The following PATL2 variants were observed in gnomAD, a reference collection of about 807,000 sequenced individuals.
PATL2 encodes PAT1 homolog 2.
Under a neutral mutation model 77.0 loss-of-function variants are expected in PATL2, and 73 were observed. The observed-to-expected ratio is 0.95, with a 90% CI of 0.78 to 1.15. The LOEUF is 1.15. Among genes scored for constraint, PATL2 ranks in the 50% most tolerant of loss-of-function variants. The pLI, the probability that PATL2 is intolerant of heterozygous loss-of-function variation, is 0.00. For synonymous variants in PATL2, 265 were observed against 257.1 expected (o/e 1.03, Z -0.29); for missense variants, 618 against 655.4 (o/e 0.94, Z 0.62).
chr15:44,672,176 A>AC lies in PATL2; in HGVS notation c.516-21dup. 6.4e-7 allele frequency: 1 copy of AC among 1,551,604 alleles called. No homozygotes were observed. The highest frequency in any genetic ancestry group is 2.4e-5 in the East Asian group (1 of 40,924). On this transcript the variant is annotated intron_variant, in intron 8 of 17. Transcript: ENST00000682850. ...GGGGGACTTTAAGCCAGGAGGAACA[A>AC]CCCTTTAGACTTACCCACCACTGGC...
chr15:44,692,124 G>C (rs1272431961), intron 3 of PATL2, among the ~76,000 whole-genome samples: 1 of 152,088 alleles, frequency 6.6e-6, no homozygotes, highest in Non-Finnish European at 1.5e-5. Flanking sequence ...TAAATAAAAA[G>C]CAGTTTGCAG....
chr15:44,672,125 G>A lies in PATL2; in HGVS notation c.547C>T (p.Pro183Ser). 6.4e-7 allele frequency: 1 copy of A among 1,551,680 alleles called. No individual in the cohort carries two copies. Among genetic ancestry groups the A allele is most frequent in the Non-Finnish European group, 8.7e-7 (1 of 1,146,986 alleles). The stretch of plus-strand genomic sequence containing the variant: ...GTCATGAGGTTAGCATAGGGGTCTG[G>A]CTGCTGAGACCAAGGCTTCTTGGCT... ...PPAKKPWSQQ[P>S]DPYANLMTRK... is the part of the protein sequence containing the mutation. Residue 183 changes from proline to serine, a missense_variant, in exon 9 of 18, where the codon CCA becomes TCA. By Grantham distance (74) the Pro-to-Ser change is moderately conservative. Transcript: ENST00000682850.
intron 14 of PATL2, 57 bp from the exon 15 acceptor site, chr15:44,668,539 C>G: frequency 6.5e-7 from 1 of 1,529,924 alleles, no homozygotes; most frequent in Non-Finnish European, 8.8e-7. Context: ...CCTCCCCTTA[C>G]CTTGCTTCCA....
intron 3 of PATL2, among the ~76,000 whole-genome samples, chr15:44,688,017 G>A (rs147058078): frequency 0.035 from 5,252 of 152,070 alleles, 306 homozygotes; most frequent in African/African-American, 0.12. Context: ...GGAGGCCAAG[G>A]CAGGCAGATC....
chr15:44,669,596 A>AC (rs1566849614), intron 11 of PATL2, 33 bp from the exon 12 acceptor site: 1 of 1,546,218 alleles, frequency 6.5e-7, no homozygotes, highest in Admixed American at 2.0e-5. Flanking sequence ...TATCAGCTAC[A>AC]CTGCCACTGC....
At chr15:44,668,606 G>A (rs2085503317) in intron 14 of PATL2, 124 bp from the exon 15 acceptor site, 2 of 1,211,898 alleles carry the variant, frequency 1.7e-6, no homozygotes, top group South Asian at 1.6e-5. Flanking sequence ...TACTTACCAG[G>A]CTTATCACCA....
At chr15:44,707,820 T>C (rs976811800) in intron 3 of PATL2, among the ~76,000 whole-genome samples, 2 of 152,208 alleles carry the variant, frequency 1.3e-5, no homozygotes, top group African/African-American at 4.8e-5. Context: ...ATTGCCATCC[T>C]TGTGGCCTAG....
At chr15:44,700,023 AT>A (rs1566869154) in intron 3 of PATL2, among the ~76,000 whole-genome samples, 1 of 151,934 alleles carries the variant, frequency 6.6e-6, no homozygotes, top group Non-Finnish European at 1.5e-5. Context: ...TTTTTTTTCC[AT>A]TTCTGTGAAG....
intron 3 of PATL2, among the ~76,000 whole-genome samples, chr15:44,705,523 A>G (rs962774055): frequency 6.6e-6 from 1 of 152,098 alleles, no homozygotes; most frequent in African/African-American, 2.4e-5. Context: ...GCTATTTTCT[A>G]GATCTTGTAG....
intron 3 of PATL2, among the ~76,000 whole-genome samples, chr15:44,691,772 G>C (rs899942309): frequency 6.6e-6 from 1 of 152,012 alleles, no homozygotes; most frequent in Admixed American, 6.6e-5. Context: ...GGCCAGCCTA[G>C]GCAACATAAA....
At position 44,666,481 on chromosome 15, in the gene PATL2, T is replaced by C. The variant is rs2085378038; in HGVS notation, c.1524A>G (p.Ala508=). The change falls in exon 17 of 18, where the codon GCA becomes GCG. Residue 508 remains alanine, a synonymous_variant. Coordinates refer to ENST00000682850, the MANE Select transcript of PATL2 (RefSeq NM_001387263.1). ...EIAQMPTASL[A]EPLAFPSNLL... The stretch of plus-strand genomic sequence containing the variant: ...GGTTGCTGGGGAAAGCTAGGGGTTC[T>C]GCCAGAGAGGCTGTAGGCATTTGGG... The C allele has an allele frequency of 6.4e-7, 1 of 1,551,560 alleles. No homozygotes were observed.
chr15:44,669,362 G>T lies in PATL2; in HGVS notation c.982C>A (p.Pro328Thr). Residue 328 changes from proline (P) to threonine (T), a missense_variant, in exon 13 of 18, where the codon CCG (proline) becomes ACG (threonine). Physicochemically the swap from Pro to Thr is conservative, Grantham distance 38. Transcript: ENST00000682850. ...IEEGWKYRPP[P>T]PCFSEQQSNQ... is the part of the protein sequence containing the mutation. ...CTTTGCTGCTCAGAAAAGCAGGGCG[G>T]TGGAGGCCTATACTTCCAGCCTTCC... The T allele has an allele frequency of 6.4e-7, 1 of 1,551,708 alleles. No individual in the cohort carries two copies. The highest frequency in any genetic ancestry group is 8.7e-7 in the Non-Finnish European group (1 of 1,146,970).
At chr15:44,703,176 TG>T (rs1487833740) in intron 3 of PATL2, among the ~76,000 whole-genome samples, 1 of 152,064 alleles carries the variant, frequency 6.6e-6, no homozygotes, top group African/African-American at 2.4e-5. Flanking sequence ...CTCAGGAGGC[TG>T]AGGCAGGAGA....
chr15:44,674,141 C>G lies in PATL2; in HGVS notation c.303+9G>C. ...ACTACCCACAGTATGGAGACTGCAG[C>G]AGACTCACCTGCCACAGAAAATGCA... On this transcript the variant is annotated intron_variant, in intron 6 of 17. Transcript: ENST00000682850. 1 of 1,541,356 alleles carries G rather than the reference C, an allele frequency of 6.5e-7. No individual in the cohort carries two copies. The highest frequency in any genetic ancestry group is 1.4e-5 in the African/African-American group (1 of 72,922).
At position 44,674,568 on chromosome 15, in the gene PATL2, T is replaced by TA. The variant is rs1000388274; in HGVS notation, c.223-339dup. 6.6e-5 allele frequency among the ~76,000 whole-genome samples: 10 copies of TA among 152,112 alleles called. No individual in the cohort carries two copies. In the East Asian group the frequency reaches 1.9e-3, roughly 29 times the overall value. ...GCCTATGATAGTTTATATATATATT[T>TA]AAAAAAAATTTTTTTTAGAGTCAGG... On this transcript the variant is annotated intron_variant, in intron 5 of 17. Transcript: ENST00000682850.
intron 17 of PATL2, 70 bp downstream of exon 17, chr15:44,666,322 G>C (rs2085366235): frequency 6.6e-7 from 1 of 1,516,898 alleles, no homozygotes; most frequent in Non-Finnish European, 9.0e-7. Context: ...GAAGGAAGTA[G>C]TGAAGCAAGT....
intron 4 of PATL2, chr15:44,676,072 A>AC: frequency 3.1e-6 from 1 of 317,984 alleles, no homozygotes; most frequent in Non-Finnish European, 5.8e-6. Context: ...AAACACCTTC[A>AC]CTTTCACATC....
chr15:44,705,820 T>TTTTTTTTTTTTTTTAA (rs1266645138), intron 3 of PATL2, among the ~76,000 whole-genome samples: 1 of 151,304 alleles, frequency 6.6e-6, no homozygotes, highest in Non-Finnish European at 1.5e-5. Context: ...TGTTTTTTTT[T>TTTTTTTTTTTTTTTAA]AGACAGAGTC....
intron 3 of PATL2, among the ~76,000 whole-genome samples, chr15:44,687,705 AGT>A (rs2086291917): frequency 6.6e-6 from 1 of 152,188 alleles, no homozygotes; most frequent in African/African-American, 2.4e-5. Context: ...CAATTTCAGC[AGT>A]CTCAGGCTAC....
Sources: gnomAD v4.1 joint callset for allele counts (sites outside exome capture counted in the v4.1 genomes callset) on GRCh38, gnomAD v4.1.1 for gene constraint, MANE v1.5 for transcripts, NCBI Gene and HGNC (gene_info 2026-07-23, HGNC 2026-07-21) for gene names.